Variants in C9 observed in about 807,000 individuals in gnomAD.
C9 encodes the protein complement component C9.
In C9, 63 loss-of-function variants were observed where a neutral mutation model predicts 65.4. That is an observed-to-expected ratio of 0.96 (90% CI 0.79 to 1.19). The LOEUF (loss-of-function observed/expected upper bound fraction) is 1.19, where lower values mean the gene tolerates loss of function less well. Ranked by LOEUF, C9 falls within the 50% of genes most tolerant of loss-of-function variation. The pLI, the probability that C9 is intolerant of heterozygous loss-of-function variation, is 0.00. For missense variants in C9, 744 were observed against 670.1 expected, an observed-to-expected ratio of 1.11 and a Z score of -1.22; for synonymous variants, 229 against 227.9, an observed-to-expected ratio of 1.00 and a Z score of -0.04.
At chr5:39,343,474 G>A (rs1754129866) in intron 1 of C9, among the ~76,000 whole-genome samples, 1 of 152,222 alleles carries the variant, frequency 6.6e-6, no homozygotes, top group Non-Finnish European at 1.5e-5. Context: ...AGCGAGGCTG[G>A]GGAGGGGCGC....
chr5:39,309,294 G>A lies in C9; in HGVS notation c.1112-936C>T, dbSNP rs146952094. 8.1e-4 allele frequency among the ~76,000 whole-genome samples: 123 copies of A among 151,758 alleles called. 1 individual carries two copies. Among genetic ancestry groups the A allele is most frequent in the African/African-American group, 2.6e-3 (108 of 41,380 alleles). The stretch of plus-strand genomic sequence containing the variant: ...AACACACACACACACACATACACAC[G>A]AATTTGTGATTATTTGTTCTGGGAG... On this transcript the variant is annotated intron_variant, in intron 7 of 10. Coordinates refer to ENST00000263408, the MANE Select transcript of C9 (RefSeq NM_001737.5).
chr5:39,308,869 C>G (rs1753427143), intron 7 of C9, among the ~76,000 whole-genome samples: 1 of 152,092 alleles, frequency 6.6e-6, no homozygotes, highest in Admixed American at 6.6e-5. Context: ...GATTTGAACC[C>G]AGAGTTGTCT....
At chr5:39,286,791 A>C (rs1252059238) in intron 10 of C9, among the ~76,000 whole-genome samples, 1 of 151,980 alleles carries the variant, frequency 6.6e-6, no homozygotes, top group African/African-American at 2.4e-5. Flanking sequence ...ATACATTTAT[A>C]AATCAATCAT....
chr5:39,304,695 T>C (rs1579845369), intron 9 of C9, among the ~76,000 whole-genome samples: 2 of 152,260 alleles, frequency 1.3e-5, no homozygotes, highest in Admixed American at 1.3e-4. Flanking sequence ...AGGTAGAATG[T>C]TGATATGAAA....
intron 4 of C9, among the ~76,000 whole-genome samples, chr5:39,337,259 C>G (rs1039014747): frequency 1.3e-5 from 2 of 152,098 alleles, no homozygotes; most frequent in Non-Finnish European, 2.9e-5. Flanking sequence ...TTTTTGTGCA[C>G]CCCATGGTTT....
intron 1 of C9, among the ~76,000 whole-genome samples, chr5:39,347,173 G>A (rs1193238019): frequency 6.6e-6 from 1 of 152,160 alleles, no homozygotes; most frequent in Non-Finnish European, 1.5e-5. Flanking sequence ...TCTGGCCAGG[G>A]CAATAAGGCA....
chr5:39,288,998 G>T, intron 9 of C9, 47 bp from the exon 10 acceptor site: 3 of 977,630 alleles, frequency 3.1e-6, no homozygotes, highest in Middle Eastern at 2.2e-4. Context: ...TTAACTGAGA[G>T]AACTTGTAGA....
intron 6 of C9, among the ~76,000 whole-genome samples, chr5:39,311,749 T>C (rs1331716574): frequency 5.3e-5 from 8 of 152,142 alleles, no homozygotes; most frequent in Non-Finnish European, 1.2e-4. Flanking sequence ...GCAGCATTAG[T>C]CAGAATAGCT....
At chr5:39,346,656 C>T (rs1754202761) in intron 1 of C9, among the ~76,000 whole-genome samples, 1 of 152,176 alleles carries the variant, frequency 6.6e-6, no homozygotes, top group South Asian at 2.1e-4. Flanking sequence ...AGGGAATCCT[C>T]CCTAACTCAT....
At chr5:39,303,989 T>C (rs1469855641) in intron 9 of C9, among the ~76,000 whole-genome samples, 1 of 152,200 alleles carries the variant, frequency 6.6e-6, no homozygotes, top group Non-Finnish European at 1.5e-5. Flanking sequence ...TACTTGTTTT[T>C]ATTAATCTTT....
chr5:39,348,609 G>T (rs1258786363), intron 1 of C9, among the ~76,000 whole-genome samples: 1 of 152,156 alleles, frequency 6.6e-6, no homozygotes, highest in African/African-American at 2.4e-5. Flanking sequence ...GGAAGTCAGT[G>T]TGGCGATTCC....
intron 9 of C9, among the ~76,000 whole-genome samples, chr5:39,299,730 G>T (rs901931919): frequency 3.9e-5 from 6 of 151,946 alleles, no homozygotes; most frequent in African/African-American, 1.4e-4. Flanking sequence ...TTTATGTATT[G>T]GTTTTCATGG....
intron 5 of C9, among the ~76,000 whole-genome samples, chr5:39,327,469 G>A (rs995211195): frequency 6.6e-6 from 1 of 152,158 alleles, no homozygotes; most frequent in Non-Finnish European, 1.5e-5. Flanking sequence ...ATTGGATATT[G>A]TGGGTTTTGA....
intron 4 of C9, among the ~76,000 whole-genome samples, chr5:39,340,520 C>T (rs1229363131): frequency 6.6e-6 from 1 of 152,196 alleles, no homozygotes; most frequent in Non-Finnish European, 1.5e-5. Flanking sequence ...CTGTATAATC[C>T]TGAGTTCTAA....
chr5:39,302,958 A>G (rs1011764431), intron 9 of C9, among the ~76,000 whole-genome samples: 2 of 152,174 alleles, frequency 1.3e-5, no homozygotes, highest in South Asian at 2.1e-4. Context: ...GCATTACATA[A>G]CAACCTTTTA....
chr5:39,352,843 T>A (rs868679350), intron 1 of C9, among the ~76,000 whole-genome samples: 6 of 150,212 alleles, frequency 4.0e-5, no homozygotes. Flanking sequence ...AGTTTTTTTT[T>A]TTTTTTTTTT....
intron 10 of C9, among the ~76,000 whole-genome samples, chr5:39,287,619 T>C (rs1165778595): frequency 1.3e-5 from 2 of 152,068 alleles, no homozygotes; most frequent in Admixed American, 6.6e-5. Context: ...GTGGTACATA[T>C]GTACCATAGA....
chr5:39,299,655 A>T (rs1369026851), intron 9 of C9, among the ~76,000 whole-genome samples: 1 of 152,150 alleles, frequency 6.6e-6, no homozygotes, highest in Non-Finnish European at 1.5e-5. Context: ...GTGGTTATGT[A>T]GAAGTGGGGC....
intron 9 of C9, among the ~76,000 whole-genome samples, chr5:39,299,675 G>T (rs1482478371): frequency 6.6e-6 from 1 of 152,078 alleles, no homozygotes; most frequent in Non-Finnish European, 1.5e-5. Context: ...CAGGAAAGAG[G>T]AGTTGATTGA....
Sources: gnomAD v4.1 joint callset for allele counts (sites outside exome capture counted in the v4.1 genomes callset) on GRCh38, gnomAD v4.1.1 for gene constraint, MANE v1.5 for transcripts, NCBI Gene and HGNC (gene_info 2026-07-23, HGNC 2026-07-21) for gene names.